DOCK3: variants seen among roughly 807,000 people sequenced by gnomAD.
DOCK3 encodes the protein dedicator of cytokinesis protein 3.
DOCK3 carries 60 observed loss-of-function variants against 265.6 expected under a neutral mutation model. That is an observed-to-expected ratio of 0.23 (90% CI 0.18 to 0.28). The LOEUF is 0.28. Among genes scored for constraint, DOCK3 ranks in the 10% least tolerant of loss-of-function variants. DOCK3 has a pLI of 1.00. For synonymous variants in DOCK3, 881 were observed against 938.0 expected, an observed-to-expected ratio of 0.94 and a Z score of 1.11; for missense variants, 1,981 against 2,594.3, an observed-to-expected ratio of 0.76 and a Z score of 5.14.
At chr3:50,726,772 G>A (rs1051797400) in intron 1 of DOCK3, among the ~76,000 whole-genome samples, 2 of 152,024 alleles carry the variant, frequency 1.3e-5, no homozygotes, top group African/African-American at 4.8e-5. Context: ...CACAACAACA[G>A]CAAACTCTGG....
chr3:51,117,049 AG>A (rs1435189396), intron 9 of DOCK3, among the ~76,000 whole-genome samples: 2 of 152,196 alleles, frequency 1.3e-5, no homozygotes, highest in Admixed American at 1.3e-4. Context: ...CCAGTTTTCA[AG>A]GGGAATGCGT....
chr3:51,319,397 A>T (rs1296402530), intron 32 of DOCK3, among the ~76,000 whole-genome samples: 8 of 8,376 alleles, frequency 9.6e-4, no homozygotes, highest in African/African-American at 1.8e-3. Context: ...AACACTTGAT[A>T]AAAAAAAAAA....
chr3:51,228,635 AT>A (rs2090428051), intron 17 of DOCK3, 25 bp from the exon 18 acceptor site: 1 of 1,603,402 alleles, frequency 6.2e-7, no homozygotes, highest in Non-Finnish European at 8.5e-7. Flanking sequence ...CTCAGGGGAC[AT>A]TTTTTTCTCC....
At chr3:50,905,966 G>A (rs1353996523) in intron 4 of DOCK3, among the ~76,000 whole-genome samples, 1 of 151,984 alleles carries the variant, frequency 6.6e-6, no homozygotes, top group Non-Finnish European at 1.5e-5. Context: ...AGAGTTTTTA[G>A]CATGAAGGGC....
At chr3:51,287,087 C>T (rs1196883225) in intron 27 of DOCK3, among the ~76,000 whole-genome samples, 1 of 152,076 alleles carries the variant, frequency 6.6e-6, no homozygotes, top group Non-Finnish European at 1.5e-5. Flanking sequence ...GTCTGATAAC[C>T]AGAATCTGTA....
At chr3:50,982,409 G>A (rs1052287875) in intron 5 of DOCK3, among the ~76,000 whole-genome samples, 11 of 152,218 alleles carry the variant, frequency 7.2e-5, no homozygotes, top group Middle Eastern at 3.4e-3. Context: ...GCCTTTTGAA[G>A]CAGCCACTGC....
chr3:50,725,477 G>T (rs934722462), intron 1 of DOCK3, among the ~76,000 whole-genome samples: 2 of 152,206 alleles, frequency 1.3e-5, no homozygotes, highest in African/African-American at 4.8e-5. Context: ...AGGAGCTTCA[G>T]TGATTCATTC....
rs558586946 is a variant in DOCK3 at position 51,259,685 on chromosome 3, C to G, written c.2185-471C>G. 2.6e-5 allele frequency among the ~76,000 whole-genome samples: 4 copies of G among 152,026 alleles called. No homozygotes were observed. In the East Asian group the frequency reaches 5.8e-4, roughly 22 times the overall value. On this transcript the variant is annotated intron_variant, in intron 22 of 52. Transcript: ENST00000266037. ...TGAAAAAGGAGGAACTGTGTCAGGC[C>G]CCAGCTATATCTTAAAGATGTAGGA...
intron 2 of DOCK3, among the ~76,000 whole-genome samples, chr3:50,813,312 A>G (rs2609021): frequency 0.094 from 14,353 of 152,188 alleles, 836 homozygotes; most frequent in Non-Finnish European, 0.12. Flanking sequence ...GGCGAGAGAG[A>G]ATCACTTGAG....
At chr3:51,017,452 G>A (rs1323701358) in intron 5 of DOCK3, among the ~76,000 whole-genome samples, 1 of 151,524 alleles carries the variant, frequency 6.6e-6, no homozygotes, top group African/African-American at 2.4e-5. Flanking sequence ...GTATCATTGG[G>A]TTGTTTATTT....
intron 1 of DOCK3, among the ~76,000 whole-genome samples, chr3:50,761,049 G>A (rs910360666): frequency 6.6e-6 from 1 of 151,420 alleles, no homozygotes; most frequent in African/African-American, 2.4e-5. Context: ...CAAAGTGCTG[G>A]GATTACAGGC....
At chr3:51,221,560 G>T (rs1290020341) in intron 14 of DOCK3, among the ~76,000 whole-genome samples, 2 of 152,152 alleles carry the variant, frequency 1.3e-5, no homozygotes, top group Non-Finnish European at 2.9e-5. Flanking sequence ...AAACCTAAGT[G>T]CCCAGTTTTC....
intron 5 of DOCK3, among the ~76,000 whole-genome samples, chr3:50,992,576 C>A (rs1360574439): frequency 6.6e-6 from 1 of 152,196 alleles, no homozygotes; most frequent in Non-Finnish European, 1.5e-5. Flanking sequence ...GGATCACAGG[C>A]ATGAGCCAAC....
intron 3 of DOCK3, among the ~76,000 whole-genome samples, chr3:50,875,398 A>G (rs1368218732): frequency 6.6e-6 from 1 of 151,908 alleles, no homozygotes; most frequent in Non-Finnish European, 1.5e-5. Context: ...AAGACTTTCA[A>G]TTTTTCCCTG....
chr3:50,680,579 C>T (rs1193287550), intron 1 of DOCK3, among the ~76,000 whole-genome samples: 2 of 140,572 alleles, frequency 1.4e-5, no homozygotes, highest in East Asian at 4.2e-4. Flanking sequence ...TGTGCTATGG[C>T]ATGATCGTAG....
chr3:50,688,849 C>T (rs1006320354), intron 1 of DOCK3, among the ~76,000 whole-genome samples: 1 of 152,108 alleles, frequency 6.6e-6, no homozygotes, highest in Non-Finnish European at 1.5e-5. Flanking sequence ...ATTGAGTCTT[C>T]CCCCCTTTTC....
chr3:51,049,075 C>T (rs535417793), intron 5 of DOCK3, among the ~76,000 whole-genome samples: 1 of 152,156 alleles, frequency 6.6e-6, no homozygotes, highest in East Asian at 1.9e-4. Flanking sequence ...GCCTGTAATC[C>T]CAGCACTTTG....
At position 51,270,809 on chromosome 3, in the gene DOCK3, C is replaced by T. The variant is rs202151371; in HGVS notation, c.2356-6C>T. The T allele has an allele frequency of 2.0e-4, 328 of 1,611,620 alleles. 2 individuals are homozygous for T. Among genetic ancestry groups the T allele is most frequent in the South Asian group, 1.8e-3 (162 of 90,590 alleles). ...GTGCTAACCACAGCTTCATTTGCTT[C>T]TGCAGGCTGCACTCCTCAATTCTTT... On this transcript the variant is annotated splice_polypyrimidine_tract_variant and splice_region_variant and intron_variant, in intron 23 of 52. Coordinates refer to ENST00000266037, the MANE Select transcript of DOCK3 (RefSeq NM_004947.5).
At chr3:50,896,993 T>C (rs186201553) in intron 4 of DOCK3, among the ~76,000 whole-genome samples, 7 of 152,294 alleles carry the variant, frequency 4.6e-5, no homozygotes, top group Admixed American at 4.6e-4. Flanking sequence ...CATAGGAAAT[T>C]TAAAGTAGTT....
Sources: gnomAD v4.1 joint callset for allele counts (sites outside exome capture counted in the v4.1 genomes callset) on GRCh38, gnomAD v4.1.1 for gene constraint, MANE v1.5 for transcripts, NCBI Gene and HGNC (gene_info 2026-07-23, HGNC 2026-07-21) for gene names.